The following MYO19 variants were observed in gnomAD, a reference collection of about 807,000 sequenced individuals.
MYO19 encodes unconventional myosin-XIX.
MYO19 carries 132 observed loss-of-function variants against 129.2 expected under a neutral mutation model. The observed-to-expected ratio is 1.02, with a 90% CI of 0.89 to 1.18. The LOEUF (loss-of-function observed/expected upper bound fraction) is 1.18, where lower values mean the gene tolerates loss of function less well. MYO19 is among the 50% of genes most tolerant of loss of function. The probability of loss-of-function intolerance (pLI) is 0.00; values close to 1 mark genes in which losing one functional copy is unlikely to be tolerated. For missense variants in MYO19, 1,210 were observed against 1,216.7 expected (o/e 0.99, Z 0.08); for synonymous variants, 531 against 477.2 (o/e 1.11, Z -1.47).
At chr17:36,499,467 G>A in intron 23 of MYO19, 1 of 239,496 alleles carries the variant, frequency 4.2e-6, no homozygotes, top group South Asian at 5.9e-5. Flanking sequence ...AGCACCCAGG[G>A]AATGGGAGGG....
In MYO19 at chr17:36,498,294, C is replaced by T. The variant is rs554560032; in HGVS notation, c.2729G>A (p.Gly910Asp). 3.3e-5 allele frequency: 54 copies of T among 1,613,198 alleles called. 1 individual carries two copies. The South Asian group carries it at 5.8e-4, about 17-fold the overall frequency. ...YTVQTAQDQA[G>D]VTSIRALPQG... ...AGGCAGCGCTCGGATGGACGTGACA[C>T]CAGCCTGGTCTTGTGCTGTCTGGAC... The change falls in exon 25 of 26, where the codon GGT becomes GAT. Residue 910 changes from glycine to aspartate, a missense_variant. By Grantham distance (94) the Gly-to-Asp change is moderately conservative. Transcript: ENST00000614623.
intron 23 of MYO19, chr17:36,500,610 TAC>T (rs2071446928): frequency 3.3e-6 from 2 of 612,568 alleles, no homozygotes; most frequent in East Asian, 2.8e-5. Flanking sequence ...CTCCACTTCT[TAC>T]AGAGCACCTT....
chr17:36,510,225 G>A (rs540822364), intron 13 of MYO19, among the ~76,000 whole-genome samples: 3 of 152,352 alleles, frequency 2.0e-5, no homozygotes, highest in South Asian at 4.1e-4. Flanking sequence ...TGGCCAGAGG[G>A]TGGAGGTACC....
chr17:36,511,363 A>AT lies in MYO19; in HGVS notation c.985+1_985+2insA. The AT allele has an allele frequency of 6.4e-7, 1 of 1,572,098 alleles. No homozygotes were observed. The highest frequency in any genetic ancestry group is 1.2e-5 in the South Asian group (1 of 85,186). On this transcript the variant is annotated splice_donor_variant, in intron 12 of 25. Transcript: ENST00000614623. LOFTEE classifies it high-confidence loss of function. ...TGCCCCATCCTACACCCTGACCCTCACACTTGGCATCATCCATCGGCTGGC... is the reference window on the plus strand; with the variant it reads ...TGCCCCATCCTACACCCTGACCCTCATCACTTGGCATCATCCATCGGCTGGC...
At chr17:36,512,678 C>G in intron 11 of MYO19, 1 of 1,289,172 alleles carries the variant, frequency 7.8e-7, no homozygotes, top group South Asian at 1.2e-5. Context: ...CTGAGCAGCC[C>G]CCATCTGGAG....
intron 1 of MYO19, among the ~76,000 whole-genome samples, chr17:36,534,491 G>A (rs781187803): frequency 1.2e-4 from 19 of 152,168 alleles, no homozygotes; most frequent in Non-Finnish European, 2.6e-4. Context: ...AGTGGAGCAA[G>A]GACCCTCTCC....
chr17:36,500,426 T>A (rs1482995796), intron 23 of MYO19: 2 of 182,878 alleles, frequency 1.1e-5, no homozygotes, highest in Non-Finnish European at 2.3e-5. Context: ...TGTTGGTTAA[T>A]ACATCTTTTC....
At chr17:36,538,498 T>A, upstream of MYO19, 1 of 1,614,104 alleles carries the variant, frequency 6.2e-7, no homozygotes, top group Non-Finnish European at 8.5e-7. Context: ...AACCTGATGG[T>A]AGATACATTA....
upstream of MYO19, chr17:36,538,203 A>G (rs771651360): frequency 6.2e-7 from 1 of 1,613,390 alleles, no homozygotes; most frequent in Non-Finnish European, 8.5e-7. Flanking sequence ...ATCTCGAAGA[A>G]TGGCAAATTT....
chr17:36,533,214 T>C (rs1350057538), intron 2 of MYO19: 2 of 152,812 alleles, frequency 1.3e-5, no homozygotes, highest in Admixed American at 1.3e-4. Flanking sequence ...TGAAGGTCAA[T>C]GAGGTCATGG....
At chr17:36,514,380 G>A (rs2072590123) in intron 9 of MYO19, 66 bp downstream of exon 9, 1 of 1,022,472 alleles carries the variant, frequency 9.8e-7, no homozygotes. Context: ...GGGGAGTGGG[G>A]GGTTGAAAAA....
At chr17:36,515,250 G>T in intron 7 of MYO19, 68 bp from the exon 8 acceptor site, 1 of 1,444,878 alleles carries the variant, frequency 6.9e-7, no homozygotes, top group Non-Finnish European at 9.5e-7. Flanking sequence ...CAAGGTGGCT[G>T]CAGGTCTCTG....
intron 6 of MYO19, among the ~76,000 whole-genome samples, chr17:36,518,548 ATATATGTG>A (rs1229399076): frequency 6.5e-5 from 7 of 108,094 alleles, no homozygotes; most frequent in African/African-American, 2.6e-4. Context: ...ATATATATAT[ATATATGTG>A]TATGTGTATA....
chr17:36,497,744 C>G (rs2071131064), intron 25 of MYO19: 1 of 164,710 alleles, frequency 6.1e-6, no homozygotes, highest in Non-Finnish European at 1.3e-5. Context: ...GCCACTACGC[C>G]CAACCAATTT....
In MYO19 at chr17:36,510,913, A is replaced by G. The variant is rs952443387; in HGVS notation, c.990T>C (p.Ser330=). 3.2e-6 allele frequency: 5 copies of G among 1,571,212 alleles called. No homozygotes were observed. In the African/African-American group the frequency reaches 6.8e-5, roughly 21 times the overall value. ...CCAGCAGCGAGGCTGCCGTCCTGACAGAGTCTGGGAGGGGCAAATCCTCTT... is the reference window on the plus strand; with the variant it reads ...CCAGCAGCGAGGCTGCCGTCCTGACGGAGTCTGGGAGGGGCAAATCCTCTT... ...PCQPMDDAKY[S]VRTAASLLGL... is the part of the protein sequence containing the mutation. The change falls in exon 13 of 26, where the codon TCT becomes TCC. Residue 330 remains serine, a synonymous_variant. Coordinates refer to ENST00000614623, the MANE Select transcript of MYO19 (RefSeq NM_001163735.2).
In MYO19 at chr17:36,532,593, T is replaced by A; in HGVS notation, c.-55A>T. ...GGGTTGCAGGAGGTACAAGGAGTACTATCCACCTAGTCATGGGACCATGGG... is the reference window on the plus strand; with the variant it reads ...GGGTTGCAGGAGGTACAAGGAGTACAATCCACCTAGTCATGGGACCATGGG... On this transcript the variant is annotated 5_prime_UTR_variant, in exon 3 of 26. Coordinates refer to ENST00000614623, the MANE Select transcript of MYO19 (RefSeq NM_001163735.2). The A allele has an allele frequency of 6.5e-7, 1 of 1,549,132 alleles. No homozygotes were observed. Among genetic ancestry groups the A allele is most frequent in the Non-Finnish European group, 8.7e-7 (1 of 1,144,640 alleles).
chr17:36,515,058 C>G (rs1227912039), intron 8 of MYO19, 55 bp downstream of exon 8: 1 of 1,535,444 alleles, frequency 6.5e-7, no homozygotes, highest in African/African-American at 1.4e-5. Context: ...GCCCCAGCCA[C>G]TTTCAACCTC....
At chr17:36,511,230 G>A in intron 12 of MYO19, 135 bp downstream of exon 12, 4 of 923,496 alleles carry the variant, frequency 4.3e-6, no homozygotes, top group South Asian at 3.1e-5. Context: ...AAATGATCCA[G>A]GGCCAGGCCC....
upstream of MYO19, chr17:36,538,034 GTA>G: frequency 1.2e-6 from 2 of 1,614,066 alleles, no homozygotes; most frequent in Non-Finnish European, 1.7e-6. Context: ...CTACCCTGGG[GTA>G]TGTGGCAATA....
Sources: allele counts gnomAD v4.1 joint callset (sites outside exome capture counted in the v4.1 genomes callset), GRCh38; gene constraint gnomAD v4.1.1; transcripts MANE v1.5; gene names NCBI Gene and HGNC (gene_info 2026-07-23, HGNC 2026-07-21).